PKHD1: variants seen among roughly 807,000 people sequenced by gnomAD.
PKHD1 encodes the protein fibrocystin.
In PKHD1, 291 loss-of-function variants were observed where a neutral mutation model predicts 412.0. The observed-to-expected ratio is 0.71, with a 90% CI of 0.64 to 0.78. The LOEUF is 0.78. Among genes scored for constraint, PKHD1 ranks in the 30% least tolerant of loss-of-function variants. The pLI is 0.00. For missense variants in PKHD1, 4,825 were observed against 4,950.7 expected (o/e 0.97, Z 0.76); for synonymous variants, 1,777 against 1,821.5 (o/e 0.98, Z 0.62).
chr6:51,895,349 A>G (rs1407601191), intron 43 of PKHD1, among the ~76,000 whole-genome samples: 1 of 152,238 alleles, frequency 6.6e-6, no homozygotes, highest in Admixed American at 6.5e-5. Flanking sequence ...ATGCAAAAAA[A>G]GACTGAATAA....
chr6:52,054,455 G>A lies in PKHD1; in HGVS notation c.1837-290C>T, dbSNP rs2082105. On this transcript the variant is annotated intron_variant, in intron 19 of 66. Transcript: ENST00000371117. ...GCTTAGCACTGTGCTTGGCAGTGAG[G>A]ATTTTAGAGTATCTCACTTAAGAAA... Among the ~76,000 whole-genome samples, 17,537 of 152,188 alleles carry A rather than the reference G, an allele frequency of 0.12. 1,033 individuals carry two copies. Among genetic ancestry groups the A allele is most frequent in the Middle Eastern group, 0.21 (63 of 294 alleles).
chr6:51,771,215 C>G (rs573211212), intron 55 of PKHD1, among the ~76,000 whole-genome samples: 1 of 151,726 alleles, frequency 6.6e-6, no homozygotes, highest in African/African-American at 2.4e-5. Flanking sequence ...CACACACACA[C>G]ACACACACAT....
chr6:51,831,708 C>CT (rs1009266942), intron 51 of PKHD1, among the ~76,000 whole-genome samples: 3 of 152,146 alleles, frequency 2.0e-5, no homozygotes, highest in African/African-American at 7.2e-5. Flanking sequence ...GGGTAATAAT[C>CT]TAAAAACTTC....
At chr6:51,950,770 T>A (rs1325750576) in intron 36 of PKHD1, among the ~76,000 whole-genome samples, 3 of 152,196 alleles carry the variant, frequency 2.0e-5, no homozygotes, top group Non-Finnish European at 4.4e-5. Flanking sequence ...CCTGGAATTA[T>A]AGAATAATTC....
chr6:51,630,764 A>G (rs2784209), intron 65 of PKHD1, among the ~76,000 whole-genome samples: 6,515 of 152,274 alleles, frequency 0.043, 236 homozygotes, highest in African/African-American at 0.093. Context: ...ATAAATATAA[A>G]ATACAGAAGG....
chr6:51,896,911 C>T (rs1780142447), intron 43 of PKHD1, among the ~76,000 whole-genome samples: 1 of 152,070 alleles, frequency 6.6e-6, no homozygotes, highest in South Asian at 2.1e-4. Flanking sequence ...GAAAGGGTAT[C>T]AGCGATGGAA....
chr6:51,959,437 C>T (rs1415806628), intron 36 of PKHD1, among the ~76,000 whole-genome samples: 2 of 152,058 alleles, frequency 1.3e-5, no homozygotes, highest in Non-Finnish European at 2.9e-5. Flanking sequence ...ATTTATATGA[C>T]TTTCCATGGG....
intron 48 of PKHD1, among the ~76,000 whole-genome samples, chr6:51,863,959 A>G (rs1198473382): frequency 6.6e-6 from 1 of 152,146 alleles, no homozygotes; most frequent in Non-Finnish European, 1.5e-5. Context: ...CCTCCTTGCC[A>G]TTTATAAGGA....
At position 51,648,117 on chromosome 6, in the gene PKHD1, T is replaced by C; in HGVS notation, c.11312A>G (p.Asn3771Ser). 1 of 1,577,820 alleles carries C rather than the reference T, an allele frequency of 6.3e-7. No homozygotes were observed. Among genetic ancestry groups the C allele is most frequent in the Non-Finnish European group, 8.7e-7 (1 of 1,146,986 alleles). ...AGGTCCCAGGGACTCTACTCTTCGA[T>C]TCTAGAAATGGGAATAGGAGGAGGG... Reference protein sequence around the residue: ...QPQLVFLDEQNRRVESLGPPS... With the variant: ...QPQLVFLDEQSRRVESLGPPS... Residue 3771 changes from asparagine to serine, a missense_variant and splice_region_variant, in exon 63 of 67, where the codon AAT becomes AGT. Asn to Ser is a conservative substitution (Grantham distance 46). Coordinates refer to ENST00000371117, the MANE Select transcript of PKHD1 (RefSeq NM_138694.4).
intron 55 of PKHD1, among the ~76,000 whole-genome samples, chr6:51,771,180 A>G (rs1028051329): frequency 2.1e-5 from 3 of 140,262 alleles, no homozygotes; most frequent in Non-Finnish European, 4.6e-5. Context: ...TATAATTTAC[A>G]TACATATAAC....
At chr6:51,968,944 C>T (rs1793249205) in intron 35 of PKHD1, among the ~76,000 whole-genome samples, 1 of 152,194 alleles carries the variant, frequency 6.6e-6, no homozygotes, top group African/African-American at 2.4e-5. Flanking sequence ...CTCTCCCCTT[C>T]AGCAGAAGTA....
rs1292317669 is a variant in PKHD1, at chr6:51,855,897, A to G, written c.7907T>C (p.Leu2636Pro). 1 of 1,612,356 alleles carries G rather than the reference A, an allele frequency of 6.2e-7. No individual in the cohort carries two copies. Reference protein sequence around the residue: ...QSENLWINRSLQYSATFDNFA... With the variant: ...QSENLWINRSPQYSATFDNFA... ...CTAATGGATTCCTTGGGTTACCTGC[A>G]GAGATCTGTTGATCCAAAGGTTCTC... The change falls in exon 49 of 67, where the codon CTG becomes CCG. Residue 2636 changes from leucine to proline, a missense_variant. By Grantham distance (98) the Leu-to-Pro change is moderately conservative (BLOSUM62 -3). Transcript: ENST00000371117.
intron 63 of PKHD1, among the ~76,000 whole-genome samples, chr6:51,643,835 C>G (rs779731880): frequency 3.3e-5 from 5 of 151,702 alleles, no homozygotes; most frequent in Non-Finnish European, 7.4e-5. Flanking sequence ...TCCTGATGCT[C>G]TCCTTCCCCC....
intron 60 of PKHD1, among the ~76,000 whole-genome samples, chr6:51,696,805 A>T (rs750285493): frequency 2.0e-5 from 3 of 152,192 alleles, no homozygotes; most frequent in Non-Finnish European, 4.4e-5. Context: ...GGAGATGGAA[A>T]AAATAAACCA....
rs541039204 is a variant in PKHD1 at position 52,054,229 on chromosome 6, T to C, written c.1837-64A>G. 17 of 1,525,120 alleles carry C rather than the reference T, an allele frequency of 1.1e-5. No homozygotes were observed. The South Asian group carries it at 1.9e-4, about 17-fold the overall frequency. 94.5% of individuals were successfully genotyped at this position (1,525,120 alleles called of 1,614,324 possible). A position where few individuals can be genotyped will look rare whatever the true frequency, so the allele number is the denominator to read the frequency against. On this transcript the variant is annotated intron_variant, in intron 19 of 66. Transcript: ENST00000371117. ...AAGAAGCAGTCATTCAAACAATACG[T>C]AGTGAGGAGTCCACATCCCTAGAAC...
At chr6:51,821,496 C>T (rs1453715553) in intron 52 of PKHD1, among the ~76,000 whole-genome samples, 2 of 152,090 alleles carry the variant, frequency 1.3e-5, no homozygotes, top group Non-Finnish European at 2.9e-5. Context: ...TGTCGGTATT[C>T]CAGAACTGAA....
chr6:51,707,067 C>T (rs1367080891), intron 60 of PKHD1, among the ~76,000 whole-genome samples: 1 of 152,056 alleles, frequency 6.6e-6, no homozygotes, highest in African/African-American at 2.4e-5. Context: ...ATAAGAATTG[C>T]TTTATATCAA....
chr6:51,968,793 C>T (rs1439344497), intron 35 of PKHD1, among the ~76,000 whole-genome samples: 1 of 152,162 alleles, frequency 6.6e-6, no homozygotes, highest in Non-Finnish European at 1.5e-5. Context: ...TCTACAATGC[C>T]AGCAGGAGAA....
chr6:51,916,727 G>C (rs949686437), intron 37 of PKHD1, among the ~76,000 whole-genome samples: 19 of 152,138 alleles, frequency 1.2e-4, no homozygotes, highest in African/African-American at 4.1e-4. Flanking sequence ...TTGAAACCCA[G>C]GTTGGGTAGC....
Sources: gnomAD v4.1 joint callset for allele counts (sites outside exome capture counted in the v4.1 genomes callset) on GRCh38, gnomAD v4.1.1 for gene constraint, MANE v1.5 for transcripts, NCBI Gene and HGNC (gene_info 2026-07-23, HGNC 2026-07-21) for gene names.